BSPH1: variants seen among roughly 807,000 people sequenced by gnomAD.
The protein encoded by BSPH1 is binder of sperm 1.
BSPH1 carries 21 observed loss-of-function variants against 22.5 expected under a neutral mutation model. That is an observed-to-expected ratio of 0.93 (90% CI 0.66 to 1.35). The LOEUF is 1.35. Among genes scored for constraint, BSPH1 ranks in the 40% most tolerant of loss-of-function variants. The pLI, the probability that BSPH1 is intolerant of heterozygous loss-of-function variation, is 0.00. For synonymous variants in BSPH1, 42 were observed against 53.6 expected, an observed-to-expected ratio of 0.78 and a Z score of 0.95; for missense variants, 141 against 154.2, an observed-to-expected ratio of 0.91 and a Z score of 0.45.
intron 1 of BSPH1, among the ~76,000 whole-genome samples, chr19:47,982,754 A>C (rs1252836054): frequency 6.6e-6 from 1 of 152,230 alleles, no homozygotes; most frequent in Non-Finnish European, 1.5e-5. Context: ...AGACACATAC[A>C]ATGGAGTATT....
chr19:47,983,008 A>G (rs1042576634), intron 1 of BSPH1, among the ~76,000 whole-genome samples: 3 of 152,174 alleles, frequency 2.0e-5, no homozygotes, highest in Admixed American at 6.5e-5. Flanking sequence ...GTTTGGGACA[A>G]TGAAAAGGCT....
chr19:47,977,687 T>C (rs190377621), intron 3 of BSPH1, 183 bp from the exon 4 acceptor site: 1 of 985,292 alleles, frequency 1.0e-6, no homozygotes, highest in East Asian at 1.1e-4. Context: ...TTTTGTTTTA[T>C]ATTCCTGCCC....
At chr19:47,991,200 G>C (rs972662946) in intron 1 of BSPH1, among the ~76,000 whole-genome samples, 1 of 151,856 alleles carries the variant, frequency 6.6e-6, no homozygotes, top group Non-Finnish European at 1.5e-5. Context: ...ATACAGCGCC[G>C]ACCACACCAC....
intron 5 of BSPH1, among the ~76,000 whole-genome samples, chr19:47,975,457 G>C (rs1969352683): frequency 6.6e-6 from 1 of 152,120 alleles, no homozygotes; most frequent in African/African-American, 2.4e-5. Flanking sequence ...ACTCACCATG[G>C]ACCAGCCCCA....
At position 47,981,829 on chromosome 19, in the gene BSPH1, A is replaced by G. The variant is rs1021664831; in HGVS notation, c.74-888T>C. ...CCATTGTTCCTTCATGAGCCATTCA[A>G]CCTGTAATATTTACCTCCCCCTCCT... On this transcript the variant is annotated intron_variant, in intron 1 of 5. Transcript: ENST00000344839. The G allele has an allele frequency of 1.0e-5, 7 of 686,126 alleles. No individual in the cohort carries two copies. The South Asian group carries it at 3.2e-4, about 32-fold the overall frequency. 42.5% of individuals were successfully genotyped at this position (686,126 alleles called of 1,614,324 possible).
At chr19:47,977,650 A>G (rs1969377850) in intron 3 of BSPH1, 146 bp from the exon 4 acceptor site, 1 of 1,416,626 alleles carries the variant, frequency 7.1e-7, no homozygotes, top group Non-Finnish European at 9.2e-7. Flanking sequence ...TCAATAGCAG[A>G]GCTTTGGCTC....
chr19:47,981,963 CTG>C (rs1216134545), intron 1 of BSPH1, among the ~76,000 whole-genome samples: 7 of 152,144 alleles, frequency 4.6e-5, no homozygotes, highest in African/African-American at 1.7e-4. Context: ...TATTACATAA[CTG>C]TTACAAAGTT....
chr19:47,969,126 C>T (rs1166210983), intron 5 of BSPH1, among the ~76,000 whole-genome samples: 1 of 151,866 alleles, frequency 6.6e-6, no homozygotes, highest in Non-Finnish European at 1.5e-5. Flanking sequence ...GCTGGTGACA[C>T]CAGTGCACCT....
chr19:47,983,098 C>T (rs180682087), intron 1 of BSPH1, among the ~76,000 whole-genome samples: 66 of 152,244 alleles, frequency 4.3e-4, no homozygotes, highest in African/African-American at 1.4e-3. Flanking sequence ...GAAGATCTCA[C>T]GATGAAGGGA....
intron 1 of BSPH1, among the ~76,000 whole-genome samples, chr19:47,991,653 C>T (rs200454409): frequency 2.7e-4 from 19 of 70,812 alleles, no homozygotes; most frequent in Admixed American, 3.4e-4. Context: ...CCCTCCTCCT[C>T]CGTCTGCTCC....
At chr19:47,968,452 C>G (rs763830072) in intron 5 of BSPH1, among the ~76,000 whole-genome samples, 1 of 151,078 alleles carries the variant, frequency 6.6e-6, no homozygotes, top group Non-Finnish European at 1.5e-5. Flanking sequence ...CTGCTTCCCG[C>G]GTTCAAATGA....
chr19:47,975,958 G>A (rs1568396214), intron 5 of BSPH1, among the ~76,000 whole-genome samples: 1 of 152,054 alleles, frequency 6.6e-6, no homozygotes, highest in African/African-American at 2.4e-5. Context: ...CCCGGCCAAG[G>A]TAATGCATTT....
chr19:47,987,113 G>A (rs142921186), intron 1 of BSPH1, among the ~76,000 whole-genome samples: 4 of 152,272 alleles, frequency 2.6e-5, no homozygotes, highest in Non-Finnish European at 5.9e-5. Context: ...CATCTGCAAG[G>A]ACCTATTTCA....
At chr19:47,990,118 C>CAAAAAAAAAAAAAAAA (rs11329791) in intron 1 of BSPH1, among the ~76,000 whole-genome samples, 1 of 99,648 alleles carries the variant, frequency 1.0e-5, no homozygotes, top group Non-Finnish European at 2.0e-5. Context: ...GACTCCATCT[C>CAAAAAAAAAAAAAAAA]AAAAAAAAAA....
chr19:47,984,306 C>T (rs920904649), intron 1 of BSPH1, among the ~76,000 whole-genome samples: 2 of 150,800 alleles, frequency 1.3e-5, no homozygotes, highest in East Asian at 3.9e-4. Flanking sequence ...TCTTAGAATA[C>T]TTATACAAAA....
At chr19:47,983,583 T>G (rs6509355) in intron 1 of BSPH1, among the ~76,000 whole-genome samples, 70,526 of 151,794 alleles carry the variant, frequency 0.46, 16,689 homozygotes, top group African/African-American at 0.55. Flanking sequence ...GCTATAAAAT[T>G]ATGAGTCCCC....
intron 1 of BSPH1, among the ~76,000 whole-genome samples, chr19:47,981,220 T>G (rs1488945863): frequency 6.6e-6 from 1 of 151,090 alleles, no homozygotes; most frequent in East Asian, 1.9e-4. Flanking sequence ...TTTCTCACAT[T>G]TTTCTATAAA....
chr19:47,972,225 T>C (rs1216966881), intron 5 of BSPH1, among the ~76,000 whole-genome samples: 1 of 151,940 alleles, frequency 6.6e-6, no homozygotes, highest in Non-Finnish European at 1.5e-5. Context: ...CTTACCTCAT[T>C]GAGGTTGGCA....
At chr19:47,977,649 G>T in intron 3 of BSPH1, 145 bp from the exon 4 acceptor site, 1 of 1,417,612 alleles carries the variant, frequency 7.1e-7, no homozygotes, top group South Asian at 1.6e-5. Flanking sequence ...CTCAATAGCA[G>T]AGCTTTGGCT....
Sources: allele counts gnomAD v4.1 joint callset (sites outside exome capture counted in the v4.1 genomes callset), GRCh38; gene constraint gnomAD v4.1.1; transcripts MANE v1.5; gene names NCBI Gene and HGNC (gene_info 2026-07-23, HGNC 2026-07-21).